Variants in KIF11 observed in about 807,000 individuals in gnomAD.
KIF11 encodes kinesin-like protein KIF11.
A neutral mutation model predicts 121.0 loss-of-function variants in KIF11; 9 were observed. The observed-to-expected ratio is 0.07, with a 90% CI of 0.04 to 0.13. The LOEUF is 0.13. Among genes scored for constraint, KIF11 ranks in the 10% least tolerant of loss-of-function variants. The pLI is 1.00. For synonymous variants in KIF11, 408 were observed against 421.0 expected (o/e 0.97, Z 0.38); for missense variants, 846 against 1,217.5 (o/e 0.69, Z 4.54).
At chr10:92,625,181 A>G (rs1844660663) in intron 10 of KIF11, among the ~76,000 whole-genome samples, 1 of 151,992 alleles carries the variant, frequency 6.6e-6, no homozygotes. Flanking sequence ...CTTTATCACC[A>G]TGTGTTATTT....
chr10:92,632,402 T>C (rs1324989733), intron 12 of KIF11, 84 bp from the exon 13 acceptor site: 1 of 910,300 alleles, frequency 1.1e-6, no homozygotes, highest in Non-Finnish European at 1.7e-6. Context: ...CTAGTTCTTA[T>C]CAAGATAAAT....
At chr10:92,650,959 G>A (rs1377387859) in intron 21 of KIF11, among the ~76,000 whole-genome samples, 1 of 152,030 alleles carries the variant, frequency 6.6e-6, no homozygotes, top group Non-Finnish European at 1.5e-5. Context: ...CTCTTCTCTT[G>A]TAAACTGTTG....
rs184603652 is a variant in KIF11, at chr10:92,599,057, C to T, written c.77+5605C>T. ...CCTCCCAAAGTGCTGGGATTATAGGCGTGAGCCACTGCGCCTGGCCTCAGC... is the reference window on the plus strand; with the variant it reads ...CCTCCCAAAGTGCTGGGATTATAGGTGTGAGCCACTGCGCCTGGCCTCAGC... On this transcript the variant is annotated intron_variant, in intron 1 of 21. Coordinates refer to ENST00000260731, the MANE Select transcript of KIF11 (RefSeq NM_004523.4). Among the ~76,000 whole-genome samples the T allele has an allele frequency of 6.0e-5, 9 of 150,230 alleles. No individual in the cohort carries two copies. In the East Asian group the frequency reaches 1.2e-3, roughly 20 times the overall value.
At position 92,609,009 on chromosome 10, in the gene KIF11, T is replaced by C. The variant is rs776971648; in HGVS notation, c.388-11T>C. 12 of 1,477,590 alleles carry C rather than the reference T, an allele frequency of 8.1e-6. No individual in the cohort carries two copies. The highest frequency in any genetic ancestry group is 4.6e-5 in the East Asian group (2 of 43,482). The allele number at this position is 1,477,590 out of a possible 1,614,324, so 91.5% of individuals were successfully genotyped here. The stretch of plus-strand genomic sequence containing the variant: ...ATTCTTCCTTTATATTAGTCCTTAT[T>C]ATAATTTCAGGATCCCTTGGCTGGT... On this transcript the variant is annotated splice_polypyrimidine_tract_variant and intron_variant, in intron 4 of 21. Transcript: ENST00000260731.
intron 1 of KIF11, among the ~76,000 whole-genome samples, chr10:92,602,596 G>A (rs1170697214): frequency 1.3e-5 from 2 of 152,112 alleles, no homozygotes; most frequent in Admixed American, 1.3e-4. Context: ...CAAATAACTA[G>A]TTCTTTTGTT....
At chr10:92,636,371 C>T (rs556411199) in intron 14 of KIF11, among the ~76,000 whole-genome samples, 5 of 152,126 alleles carry the variant, frequency 3.3e-5, no homozygotes, top group Admixed American at 3.3e-4. Context: ...CATCTCAGCA[C>T]TTTGGGAGGC....
At chr10:92,599,070 G>A (rs1403708153) in intron 1 of KIF11, among the ~76,000 whole-genome samples, 2 of 149,892 alleles carry the variant, frequency 1.3e-5, no homozygotes, top group Admixed American at 6.8e-5. Flanking sequence ...GAGCCACTGC[G>A]CCTGGCCTCA....
rs560522021 is a variant in KIF11 at position 92,652,387 on chromosome 10, G to A, written c.3040-1278G>A. On this transcript the variant is annotated intron_variant, in intron 21 of 21. Coordinates refer to ENST00000260731, the MANE Select transcript of KIF11 (RefSeq NM_004523.4). ...ACTCCCGACCTCAGGTGATCCGCCC[G>A]CCTCGGCCTCCCAAAGTGCTGGGAT... Among the ~76,000 whole-genome samples the A allele has an allele frequency of 3.8e-4, 58 of 152,110 alleles. 1 individual carries two copies. In the South Asian group the frequency reaches 0.011, roughly 29 times the overall value.
intron 9 of KIF11, among the ~76,000 whole-genome samples, chr10:92,620,844 G>C (rs978691754): frequency 6.6e-6 from 1 of 152,188 alleles, no homozygotes; most frequent in Admixed American, 6.5e-5. Context: ...CCGCCCCTAC[G>C]ATTCAGTCAT....
At chr10:92,615,273 G>T (rs899667192) in intron 8 of KIF11, among the ~76,000 whole-genome samples, 1 of 152,042 alleles carries the variant, frequency 6.6e-6, no homozygotes, top group African/African-American at 2.4e-5. Flanking sequence ...GGGCATGGTG[G>T]TGCGCGCCTG....
At chr10:92,615,293 C>A (rs1844541987) in intron 8 of KIF11, among the ~76,000 whole-genome samples, 1 of 152,060 alleles carries the variant, frequency 6.6e-6, no homozygotes, top group Non-Finnish European at 1.5e-5. Context: ...GTAATCCCAA[C>A]TACTCAGGAG....
chr10:92,594,601 A>G (rs765706220), intron 1 of KIF11, among the ~76,000 whole-genome samples: 22 of 152,216 alleles, frequency 1.4e-4, no homozygotes, highest in African/African-American at 5.3e-4. Context: ...TGTTAGTTAC[A>G]AAATATTTCA....
In KIF11 at chr10:92,609,759, G is replaced by C. The variant is rs12250905; in HGVS notation, c.698+250G>C. Among the ~76,000 whole-genome samples the C allele has an allele frequency of 0.15, 22,682 of 151,874 alleles. 3,601 individuals are homozygous for C. Among genetic ancestry groups the C allele is most frequent in the African/African-American group, 0.4 (16,490 of 41,398 alleles). On this transcript the variant is annotated intron_variant, in intron 6 of 21. Transcript: ENST00000260731. Reference sequence around the variant, plus strand: ...TAAACTTTTTTTTCTTTTTTGAGACGAATTTTCGCTCTTGTTACCCAGGCT... The same window carrying C: ...TAAACTTTTTTTTCTTTTTTGAGACCAATTTTCGCTCTTGTTACCCAGGCT...
chr10:92,627,966 C>T (rs1296334064), intron 10 of KIF11, among the ~76,000 whole-genome samples: 1 of 152,144 alleles, frequency 6.6e-6, no homozygotes, highest in Non-Finnish European at 1.5e-5. Context: ...CCTAAACCTT[C>T]TACAGTCCAT....
intron 9 of KIF11, among the ~76,000 whole-genome samples, chr10:92,617,539 G>A (rs1240415085): frequency 6.6e-6 from 1 of 151,928 alleles, no homozygotes; most frequent in Non-Finnish European, 1.5e-5. Context: ...AGATATCTAG[G>A]GATTTAATTT....
At chr10:92,639,621 A>G (rs1385305690) in intron 16 of KIF11, among the ~76,000 whole-genome samples, 173 bp from the exon 17 acceptor site, 2 of 152,136 alleles carry the variant, frequency 1.3e-5, no homozygotes, top group African/African-American at 2.4e-5. Context: ...CTACATTTTA[A>G]TATCACTTCC....
intron 19 of KIF11, among the ~76,000 whole-genome samples, chr10:92,649,199 A>C (rs1162471316): frequency 6.6e-6 from 1 of 152,110 alleles, no homozygotes; most frequent in Non-Finnish European, 1.5e-5. Context: ...ATTCCCCAAG[A>C]GACCTGTAGG....
chr10:92,630,201 A>G lies in KIF11; in HGVS notation c.1331A>G (p.Lys444Arg). Reference protein sequence around the residue: ...NRVTELFMDNKNELDQCKSDL... With the variant: ...NRVTELFMDNRNELDQCKSDL... ...GTTACAGAGTTGTTTATGGATAATAAAAATGAACTTGACCAGTGTAAATCT... is the reference window on the plus strand; with the variant it reads ...GTTACAGAGTTGTTTATGGATAATAGAAATGAACTTGACCAGTGTAAATCT... Residue 444 changes from lysine to arginine, a missense_variant, in exon 12 of 22, where the codon AAA becomes AGA. By Grantham distance (26) the Lys-to-Arg change is conservative (BLOSUM62 2). Coordinates refer to ENST00000260731, the MANE Select transcript of KIF11 (RefSeq NM_004523.4). 1 of 1,578,802 alleles carries G rather than the reference A, an allele frequency of 6.3e-7. No individual in the cohort carries two copies. Among genetic ancestry groups the G allele is most frequent in the Non-Finnish European group, 8.6e-7 (1 of 1,166,552 alleles).
At chr10:92,601,724 T>A (rs998565939) in intron 1 of KIF11, among the ~76,000 whole-genome samples, 3 of 148,624 alleles carry the variant, frequency 2.0e-5, no homozygotes, top group Non-Finnish European at 4.4e-5. Context: ...TTTTTTTTTT[T>A]AGAGATGGGG....
Sources: allele counts gnomAD v4.1 joint callset (sites outside exome capture counted in the v4.1 genomes callset), GRCh38; gene constraint gnomAD v4.1.1; transcripts MANE v1.5; gene names NCBI Gene and HGNC (gene_info 2026-07-23, HGNC 2026-07-21).